CCDC3: variants seen among roughly 807,000 people sequenced by gnomAD.
The protein encoded by CCDC3 is coiled-coil domain containing 3.
A neutral mutation model predicts 21.4 loss-of-function variants in CCDC3; 24 were observed. The ratio of observed to expected loss-of-function variants is 1.12; its 90% CI spans 0.81 to 1.58. The LOEUF is 1.58. Ranked by LOEUF, CCDC3 falls within the 40% of genes most tolerant of loss-of-function variation. CCDC3 has a pLI of 0.00. For missense variants in CCDC3, 425 were observed against 360.9 expected (o/e 1.18, Z -1.44); for synonymous variants, 186 against 166.0 (o/e 1.12, Z -0.93).
At chr10:13,040,941 G>A (rs1207495376) in intron 5 of CCDC3, among the ~76,000 whole-genome samples, 2 of 152,060 alleles carry the variant, frequency 1.3e-5, no homozygotes, top group Non-Finnish European at 2.9e-5. Context: ...ACTCTTTTAA[G>A]ACCTTGAGAA....
At chr10:12,910,700 A>C (rs1423413703) in intron 2 of CCDC3, among the ~76,000 whole-genome samples, 2 of 148,812 alleles carry the variant, frequency 1.3e-5, no homozygotes, top group East Asian at 3.9e-4. Flanking sequence ...ACCTCCACCT[A>C]CCGAGTTCAA....
chr10:13,060,081 T>TCAAAAA (rs1836736028), intron 4 of CCDC3, among the ~76,000 whole-genome samples: 1 of 152,074 alleles, frequency 6.6e-6, no homozygotes. Context: ...AGACTCCATC[T>TCAAAAA]CAAAAACAAA....
chr10:12,958,555 G>A (rs930034870), intron 2 of CCDC3, among the ~76,000 whole-genome samples: 16 of 152,212 alleles, frequency 1.1e-4, no homozygotes, highest in African/African-American at 3.9e-4. Context: ...GCAAACGGCA[G>A]TAGTGCCTGA....
intron 2 of CCDC3, among the ~76,000 whole-genome samples, chr10:12,988,193 G>A (rs116048637): frequency 9.9e-5 from 15 of 152,100 alleles, no homozygotes; most frequent in East Asian, 3.9e-4. Flanking sequence ...TCCACCCCTC[G>A]AGAAGGCCAA....
At chr10:13,005,382 T>C (rs1330966638), upstream of CCDC3, among the ~76,000 whole-genome samples, 1 of 152,218 alleles carries the variant, frequency 6.6e-6, no homozygotes, top group Non-Finnish European at 1.5e-5. Context: ...CATCTGGACC[T>C]GCCCAATCCC....
chr10:13,083,357 A>T (rs1385456295), intron 3 of CCDC3, among the ~76,000 whole-genome samples: 1 of 152,274 alleles, frequency 6.6e-6, no homozygotes, highest in African/African-American at 2.4e-5. Flanking sequence ...AGAGGAAAAA[A>T]CTATGAAATC....
At chr10:12,936,968 A>G (rs548600845) in intron 2 of CCDC3, among the ~76,000 whole-genome samples, 1 of 152,342 alleles carries the variant, frequency 6.6e-6, no homozygotes, top group South Asian at 2.1e-4. Flanking sequence ...GCATATGTCA[A>G]AATGGTTCCG....
chr10:13,014,700 T>G (rs11258126), intron 5 of CCDC3, among the ~76,000 whole-genome samples: 10,512 of 152,098 alleles, frequency 0.069, 536 homozygotes, highest in Middle Eastern at 0.14. Flanking sequence ...CCTATAGCGG[T>G]TTGTTGGTAC....
chr10:12,945,892 C>A (rs907184968), intron 2 of CCDC3, among the ~76,000 whole-genome samples: 2 of 152,162 alleles, frequency 1.3e-5, no homozygotes, highest in Non-Finnish European at 2.9e-5. Flanking sequence ...ATAGCTAACA[C>A]CTTCTGCTGC....
chr10:13,020,353 A>G (rs1836128465), intron 5 of CCDC3, among the ~76,000 whole-genome samples: 1 of 152,234 alleles, frequency 6.6e-6, no homozygotes. Flanking sequence ...TTTTGCTGTC[A>G]TGAACAGTTA....
At chr10:12,987,732 C>T (rs1835618738) in intron 2 of CCDC3, among the ~76,000 whole-genome samples, 1 of 152,062 alleles carries the variant, frequency 6.6e-6, no homozygotes, top group African/African-American at 2.4e-5. Context: ...TGGCCAATAC[C>T]CTGGGGGTGG....
At chr10:13,097,040 G>T (rs1832635869) in intron 3 of CCDC3, among the ~76,000 whole-genome samples, 1 of 152,222 alleles carries the variant, frequency 6.6e-6, no homozygotes, top group South Asian at 2.1e-4. Context: ...AAGGTAGGAA[G>T]CCCAAAGGGA....
At chr10:12,994,732 C>T (rs866290426) in intron 2 of CCDC3, among the ~76,000 whole-genome samples, 23 of 152,064 alleles carry the variant, frequency 1.5e-4, no homozygotes, top group Admixed American at 9.8e-4. Context: ...TAATTTGATG[C>T]TTGCCTTCCC....
At chr10:12,911,062 A>G (rs1456288933) in intron 2 of CCDC3, among the ~76,000 whole-genome samples, 2 of 152,166 alleles carry the variant, frequency 1.3e-5, no homozygotes, top group Admixed American at 6.6e-5. Flanking sequence ...CCTCTTCAAC[A>G]GTTTGCTGTT....
chr10:13,068,688 A>G (rs1047401349), intron 4 of CCDC3, among the ~76,000 whole-genome samples: 3 of 152,182 alleles, frequency 2.0e-5, no homozygotes, highest in Non-Finnish European at 2.9e-5. Flanking sequence ...ATTATGCTGG[A>G]AGGAGTCAAA....
chr10:13,082,510 C>T (rs574668763), intron 3 of CCDC3, among the ~76,000 whole-genome samples: 15 of 152,318 alleles, frequency 9.8e-5, no homozygotes, highest in Non-Finnish European at 1.8e-4. Flanking sequence ...TGGATGGCTG[C>T]GGGCAGGCCT....
At position 12,952,974 on chromosome 10, in the gene CCDC3, G is replaced by C. The variant is rs116931598; in HGVS notation, c.549+45364C>G. 2.5e-3 allele frequency among the ~76,000 whole-genome samples: 383 copies of C among 152,192 alleles called. 1 individual carries two copies. Among genetic ancestry groups the C allele is most frequent in the Non-Finnish European group, 3.7e-3 (253 of 68,024 alleles). On this transcript the variant is annotated intron_variant, in intron 2 of 2. Coordinates refer to ENST00000378825, the MANE Select transcript of CCDC3 (RefSeq NM_031455.4). Reference sequence around the variant, plus strand: ...AGGGCTACAGTTGATCTTATTCAAAGAATATCAAAGGAAGGAAGGGAGGGA... The same window carrying C: ...AGGGCTACAGTTGATCTTATTCAAACAATATCAAAGGAAGGAAGGGAGGGA...
intron 2 of CCDC3, among the ~76,000 whole-genome samples, chr10:12,969,999 C>A (rs1299064290): frequency 6.6e-6 from 1 of 152,104 alleles, no homozygotes; most frequent in Non-Finnish European, 1.5e-5. Flanking sequence ...TAATTTAAAA[C>A]AGGATAGCCT....
chr10:13,001,331 C>G lies in CCDC3; in HGVS notation c.240G>C (p.Glu80Asp), dbSNP rs1835850219. 6.2e-7 allele frequency: 1 copy of G among 1,605,536 alleles called. No individual in the cohort carries two copies. The highest frequency in any genetic ancestry group is 8.5e-7 in the Non-Finnish European group (1 of 1,177,246). ...QGGLFYSAEV[E>D]MLCDQAWGSM... ...TGCCCCACGCCTGGTCGCACAGCAT[C>G]TCGACCTCGGCCGAGTAGAAGAGGC... is the stretch of plus-strand genomic sequence containing the variant. Residue 80 changes from glutamate (E) to aspartate (D), a missense_variant, in exon 1 of 3, where the codon GAG becomes GAC. Coordinates refer to ENST00000378825, the MANE Select transcript of CCDC3 (RefSeq NM_031455.4).
Sources: allele counts gnomAD v4.1 joint callset (sites outside exome capture counted in the v4.1 genomes callset), GRCh38; gene constraint gnomAD v4.1.1; transcripts MANE v1.5; gene names NCBI Gene and HGNC (gene_info 2026-07-23, HGNC 2026-07-21).